The following GPC5 variants were observed in gnomAD, a reference collection of about 807,000 sequenced individuals.
GPC5 encodes glypican 5.
GPC5 carries 47 observed loss-of-function variants against 53.9 expected under a neutral mutation model. The ratio of observed to expected loss-of-function variants is 0.87; its 90% CI spans 0.69 to 1.11. The LOEUF is 1.11. Ranked by LOEUF, GPC5 falls within the 50% of genes most tolerant of loss-of-function variation. The pLI is 0.00. For synonymous variants in GPC5, 286 were observed against 263.3 expected (o/e 1.09, Z -0.84); for missense variants, 748 against 713.1 (o/e 1.05, Z -0.56).
At chr13:92,502,048 A>T (rs568300064) in intron 7 of GPC5, among the ~76,000 whole-genome samples, 1 of 152,186 alleles carries the variant, frequency 6.6e-6, no homozygotes, top group South Asian at 2.1e-4. Context: ...GGGTAAATAG[A>T]CTTGTTCTCA....
chr13:92,783,925 T>C (rs1189291052), intron 7 of GPC5, among the ~76,000 whole-genome samples: 2 of 152,226 alleles, frequency 1.3e-5, no homozygotes, highest in African/African-American at 4.8e-5. Context: ...ATTTTACTTC[T>C]GTTTAAATCC....
chr13:92,494,175 C>T lies in GPC5; in HGVS notation c.1561+349186C>T, dbSNP rs375524723. Among the ~76,000 whole-genome samples, 305 of 152,042 alleles carry T rather than the reference C, an allele frequency of 2.0e-3. 1 individual carries two copies. In the East Asian group the frequency reaches 0.027, roughly 13 times the overall value. On this transcript the variant is annotated intron_variant, in intron 7 of 7. Coordinates refer to ENST00000377067, the MANE Select transcript of GPC5 (RefSeq NM_004466.6). ...CGCGATCTCGGCTCACTGCAAGCTC[C>T]GCCTCCTGGGTTCACGCCATTCTCC...
At chr13:92,181,377 C>T (rs143250937) in intron 7 of GPC5, among the ~76,000 whole-genome samples, 15 of 152,216 alleles carry the variant, frequency 9.9e-5, no homozygotes, top group Admixed American at 9.8e-4. Context: ...GAAAATCTGA[C>T]TAATGAATGA....
chr13:91,566,181 T>C (rs546170505), intron 2 of GPC5, among the ~76,000 whole-genome samples: 1 of 152,248 alleles, frequency 6.6e-6, no homozygotes, highest in African/African-American at 2.4e-5. Context: ...TACTACAGCC[T>C]CAAAATGTAT....
intron 7 of GPC5, among the ~76,000 whole-genome samples, chr13:92,360,908 CT>C (rs1317843835): frequency 6.6e-6 from 1 of 151,730 alleles, no homozygotes; most frequent in Non-Finnish European, 1.5e-5. Context: ...TTACAAAGGT[CT>C]CAAATGTAAA....
At chr13:91,977,517 A>G (rs1487712739) in intron 6 of GPC5, among the ~76,000 whole-genome samples, 3 of 152,222 alleles carry the variant, frequency 2.0e-5, no homozygotes, top group African/African-American at 4.8e-5. Context: ...CTCAACAGTA[A>G]CAGAATACAC....
chr13:92,330,322 G>A (rs1317742144), intron 7 of GPC5, among the ~76,000 whole-genome samples: 4 of 152,100 alleles, frequency 2.6e-5, no homozygotes, highest in Non-Finnish European at 5.9e-5. Context: ...CCTAACCTCA[G>A]TTATTCTGAA....
intron 7 of GPC5, among the ~76,000 whole-genome samples, chr13:92,551,881 T>C (rs1882329031): frequency 6.6e-6 from 1 of 151,862 alleles, no homozygotes; most frequent in Non-Finnish European, 1.5e-5. Context: ...CTTGAGACTT[T>C]CCCTGAAGGG....
intron 7 of GPC5, among the ~76,000 whole-genome samples, chr13:92,586,980 G>A (rs9589589): frequency 1.8e-4 from 24 of 133,134 alleles, no homozygotes; most frequent in Admixed American, 2.3e-4. Context: ...ACACACACAC[G>A]CACACACACT....
rs1263876625 is a variant in GPC5, at chr13:92,206,171, T to G, written c.1561+61182T>G. Among the ~76,000 whole-genome samples, 142 of 145,080 alleles carry G rather than the reference T, an allele frequency of 9.8e-4. 2 individuals carry two copies. The Middle Eastern group carries it at 0.011, about 11-fold the overall frequency. Reference sequence around the variant, plus strand: ...GTTTTTTTTATTTTTTTTTTTATTTTTTTTTTTTTTTTGAGACAGAGTCTC... The same window carrying G: ...GTTTTTTTTATTTTTTTTTTTATTTGTTTTTTTTTTTTGAGACAGAGTCTC... On this transcript the variant is annotated intron_variant, in intron 7 of 7. Coordinates refer to ENST00000377067, the MANE Select transcript of GPC5 (RefSeq NM_004466.6).
intron 7 of GPC5, among the ~76,000 whole-genome samples, chr13:92,253,855 G>A (rs1191983837): frequency 2.6e-5 from 4 of 152,068 alleles, no homozygotes; most frequent in Non-Finnish European, 5.9e-5. Flanking sequence ...AATATTATTA[G>A]TTAGGGTCCC....
At chr13:92,052,477 TC>T (rs1489838447) in intron 6 of GPC5, among the ~76,000 whole-genome samples, 1 of 152,158 alleles carries the variant, frequency 6.6e-6, no homozygotes, top group Non-Finnish European at 1.5e-5. Flanking sequence ...AGCTTTTATT[TC>T]CTTATTTGTC....
intron 7 of GPC5, among the ~76,000 whole-genome samples, chr13:92,467,248 G>C (rs750875544): frequency 1.3e-5 from 2 of 152,054 alleles, no homozygotes; most frequent in Non-Finnish European, 2.9e-5. Flanking sequence ...TGTTGGTGTC[G>C]TTTGAAGACG....
chr13:91,593,438 A>T (rs985455065), intron 2 of GPC5, among the ~76,000 whole-genome samples: 2 of 150,812 alleles, frequency 1.3e-5, no homozygotes, highest in African/African-American at 2.4e-5. Flanking sequence ...TTATTGTGAT[A>T]AGATGGAATG....
intron 7 of GPC5, among the ~76,000 whole-genome samples, chr13:92,644,312 G>T (rs1885694659): frequency 1.3e-5 from 2 of 152,118 alleles, no homozygotes; most frequent in South Asian, 4.2e-4. Flanking sequence ...TATCTAATAG[G>T]ATCTATTTTG....
intron 7 of GPC5, among the ~76,000 whole-genome samples, chr13:92,151,564 T>C (rs1008004347): frequency 3.3e-5 from 5 of 152,164 alleles, no homozygotes; most frequent in African/African-American, 1.2e-4. Context: ...GTATGAACTT[T>C]GGTATCAGTC....
chr13:92,149,019 A>G (rs572746169), intron 7 of GPC5, among the ~76,000 whole-genome samples: 8 of 152,132 alleles, frequency 5.3e-5, no homozygotes, highest in Non-Finnish European at 1.2e-4. Context: ...TAAGTAATAC[A>G]TAATCCATGA....
chr13:91,877,281 T>G (rs1460923971), intron 5 of GPC5, among the ~76,000 whole-genome samples: 1 of 152,052 alleles, frequency 6.6e-6, no homozygotes, highest in Non-Finnish European at 1.5e-5. Context: ...AGAAGAATGG[T>G]AGATCCACCG....
At chr13:92,505,448 A>G (rs183306112) in intron 7 of GPC5, among the ~76,000 whole-genome samples, 38 of 152,184 alleles carry the variant, frequency 2.5e-4, no homozygotes, top group African/African-American at 8.9e-4. Context: ...ACTAAAAAAA[A>G]GTATTAACAA....
Sources: gnomAD v4.1 joint callset for allele counts (sites outside exome capture counted in the v4.1 genomes callset) on GRCh38, gnomAD v4.1.1 for gene constraint, MANE v1.5 for transcripts, NCBI Gene and HGNC (gene_info 2026-07-23, HGNC 2026-07-21) for gene names.